The following COL20A1 variants were observed in gnomAD, a reference collection of about 807,000 sequenced individuals.
COL20A1 encodes collagen alpha-1(XX) chain.
Under a neutral mutation model 152.9 loss-of-function variants are expected in COL20A1, and 164 were observed. That is an observed-to-expected ratio of 1.07 (90% confidence interval 0.94 to 1.22). COL20A1 has a LOEUF of 1.22. Ranked by LOEUF, COL20A1 falls within the 50% of genes most tolerant of loss-of-function variation. The pLI, the probability that COL20A1 is intolerant of heterozygous loss-of-function variation, is 0.00. For synonymous variants in COL20A1, 864 were observed against 756.0 expected, an observed-to-expected ratio of 1.14 and a Z score of -2.34; for missense variants, 1,873 against 1,744.8, an observed-to-expected ratio of 1.07 and a Z score of -1.31.
chr20:63,301,898 A>T (rs952136143), intron 3 of COL20A1, among the ~76,000 whole-genome samples: 3 of 152,202 alleles, frequency 2.0e-5, no homozygotes, highest in Non-Finnish European at 4.4e-5. Flanking sequence ...ATTTAATGAA[A>T]TTAATGATAC....
At chr20:63,308,178 G>A (rs561286011) in intron 7 of COL20A1, 88 bp downstream of exon 7, 101 of 1,507,000 alleles carry the variant, frequency 6.7e-5, no homozygotes, top group Middle Eastern at 3.9e-4. Flanking sequence ...TGTGTAAATC[G>A]AGCTCCAAGT....
At chr20:63,295,536 G>A (rs987458200) in intron 2 of COL20A1, among the ~76,000 whole-genome samples, 1 of 152,024 alleles carries the variant, frequency 6.6e-6, no homozygotes, top group Non-Finnish European at 1.5e-5. Flanking sequence ...TCCCACCGCC[G>A]CCTCCCACTG....
intron 21 of COL20A1, among the ~76,000 whole-genome samples, chr20:63,318,120 C>G (rs1437436041): frequency 6.6e-6 from 1 of 152,212 alleles, no homozygotes; most frequent in Non-Finnish European, 1.5e-5. Context: ...CAGGCACTTC[C>G]CATGCCTGTT....
At chr20:63,295,036 T>A in intron 1 of COL20A1, 62 bp from the exon 2 acceptor site, 1 of 1,065,338 alleles carries the variant, frequency 9.4e-7, no homozygotes, top group East Asian at 2.6e-5. Context: ...GCTCTGGCGT[T>A]GTGGTCAGGG....
chr20:63,322,157 TAC>T (rs2068173937), intron 27 of COL20A1, 46 bp downstream of exon 27: 1 of 1,405,206 alleles, frequency 7.1e-7, no homozygotes, highest in African/African-American at 1.5e-5. Context: ...GGATCGTACC[TAC>T]CAGAAGAGAA....
chr20:63,307,772 G>GT, intron 6 of COL20A1, 124 bp downstream of exon 6: 1 of 1,232,738 alleles, frequency 8.1e-7, no homozygotes, highest in Non-Finnish European at 1.1e-6. Context: ...GGGGTGGGAC[G>GT]CCTGCTCCAC....
intron 27 of COL20A1, among the ~76,000 whole-genome samples, chr20:63,324,041 G>A (rs117049320): frequency 0.044 from 6,698 of 152,298 alleles, 226 homozygotes; most frequent in South Asian, 0.08. Flanking sequence ...ACAGTGTGGG[G>A]ATGGTCTCTT....
intron 25 of COL20A1, 73 bp from the exon 26 acceptor site, chr20:63,320,940 T>A (rs1416272844): frequency 8.4e-7 from 1 of 1,185,920 alleles, no homozygotes; most frequent in African/African-American, 1.6e-5. Context: ...TGTCATTGGC[T>A]AATCTCAGCT....
chr20:63,319,159 C>T lies in COL20A1; in HGVS notation c.2765C>T (p.Thr922Ile), dbSNP rs757272194. The change falls in exon 22 of 36, where the codon ACA (threonine) becomes ATA (isoleucine). Residue 922 changes from threonine to isoleucine, a missense_variant. Coordinates refer to ENST00000358894, the MANE Select transcript of COL20A1 (RefSeq NM_020882.4). This position sits in a 1 kb window ranked among gnomAD's most constrained non-coding sequence, Gnocchi z 4.4. Reference protein sequence around the residue: ...PREAFALWQMTAEDFQPLLGV... With the variant: ...PREAFALWQMIAEDFQPLLGV... ...GAGGCCTTCGCGCTGTGGCAGATGA[C>T]AGCCGAGGACTTCCAGCCCCTCCTT... The T allele has an allele frequency of 1.2e-6, 2 of 1,613,006 alleles. No individual in the cohort carries two copies. The highest frequency in any genetic ancestry group is 1.1e-5 in the South Asian group (1 of 91,080).
chr20:63,311,914 A>G lies in COL20A1; in HGVS notation c.1664-2A>G. 1 of 1,544,038 alleles carries G rather than the reference A, an allele frequency of 6.5e-7. No homozygotes were observed. Among genetic ancestry groups the G allele is most frequent in the Non-Finnish European group, 8.7e-7 (1 of 1,147,942 alleles). ...GCCTTGAGGCTCTGCTGTGCTTTGC[A>G]GCCACCCTGGCCCCCCCGAGACACC... On this transcript the variant is annotated splice_acceptor_variant, in intron 13 of 35. Coordinates refer to ENST00000358894, the MANE Select transcript of COL20A1 (RefSeq NM_020882.4). LOFTEE classifies it high-confidence loss of function. This position sits in a 1 kb window ranked among gnomAD's most constrained non-coding sequence, Gnocchi z 4.4.
In COL20A1 at chr20:63,321,077, C is replaced by T. The variant is rs1315886068; in HGVS notation, c.3218C>T (p.Pro1073Leu). The change falls in exon 26 of 36, where the codon CCC becomes CTC. Residue 1073 changes from proline (P) to leucine (L), a missense_variant. Pro to Leu is a moderately conservative substitution (Grantham distance 98). Coordinates refer to ENST00000358894, the MANE Select transcript of COL20A1 (RefSeq NM_020882.4). ...TCCTGTTCCTCAGAGACCCCTGGGC[C>T]CCCAGGACCTCAAGGACCCCCAGTG... is the stretch of plus-strand genomic sequence containing the variant. ...ACSCSSETPG[P>L]PGPQGPPGLP... 7 of 1,600,574 alleles carry T rather than the reference C, an allele frequency of 4.4e-6. No homozygotes were observed. The highest frequency in any genetic ancestry group is 1.7e-5 in the Admixed American group (1 of 58,594).
chr20:63,311,243 G>A lies in COL20A1; in HGVS notation c.1394-151G>A, dbSNP rs900262831. 3 of 873,014 alleles carry A rather than the reference G, an allele frequency of 3.4e-6. No homozygotes were observed. The highest frequency in any genetic ancestry group is 5.1e-6 in the Non-Finnish European group (3 of 587,390). The allele number at this position is 873,014 out of a possible 1,614,324, so 54.1% of individuals were successfully genotyped here. Reference sequence around the variant, plus strand: ...CCCAGAGCTGGAGCCACAAACCTTGGCCCAAGGTGAAGCCTGGGAAGTGCC... The same window carrying A: ...CCCAGAGCTGGAGCCACAAACCTTGACCCAAGGTGAAGCCTGGGAAGTGCC... On this transcript the variant is annotated intron_variant, in intron 11 of 35. Transcript: ENST00000358894. This position sits in a 1 kb window ranked among gnomAD's most constrained non-coding sequence, Gnocchi z 4.4.
In COL20A1 at chr20:63,325,681, A is replaced by C. The variant is rs925275991; in HGVS notation, c.3362A>C (p.His1121Pro). The C allele has an allele frequency of 1.2e-5, 19 of 1,611,042 alleles. No individual in the cohort carries two copies. The highest frequency in any genetic ancestry group is 8.3e-5 in the Admixed American group (5 of 59,890). ...GLPGLQGHPG[H>P]QGIPGRVGLQ... ...GTTCTCTCCCAGGGCCACCCCGGCC[A>C]CCAGGGCATCCCCGGGAGAGTTGGC... The change falls in exon 29 of 36, where the codon CAC becomes CCC. Residue 1121 changes from histidine to proline, a missense_variant. By Grantham distance (77) the His-to-Pro change is moderately conservative. Transcript: ENST00000358894.
In COL20A1 at chr20:63,295,161, C is replaced by T. The variant is rs775067603; in HGVS notation, c.54C>T (p.Gly18=). The T allele has an allele frequency of 4.0e-5, 62 of 1,555,182 alleles. No homozygotes were observed. Among genetic ancestry groups the T allele is most frequent in the Non-Finnish European group, 5.0e-5 (57 of 1,149,802 alleles). The change falls in exon 2 of 36, where the codon GGC becomes GGT. Residue 18 remains glycine (G), a synonymous_variant. Coordinates refer to ENST00000358894, the MANE Select transcript of COL20A1 (RefSeq NM_020882.4). ...HLGLCLWLWL[G]ATLGREQVQA... ...GCCTCTGCCTCTGGCTGTGGCTGGG[C>T]GCCACCCTGGGAAGAGAGCAAGTTC... is the stretch of plus-strand genomic sequence containing the variant.
Position 63,331,128 on chromosome 20 carries a change from C to T in COL20A1, c.*412C>T, listed in dbSNP as rs1270315949. ...AAAACAGGCTCAACAACATGCCCCG[C>T]CCCTTTCTCTGGGCCTCATCTAAGC... On this transcript the variant is annotated 3_prime_UTR_variant, in exon 36 of 36. Transcript: ENST00000358894. 6.6e-6 allele frequency: 1 copy of T among 152,346 alleles called. No individual in the cohort carries two copies. Among genetic ancestry groups the T allele is most frequent in the Admixed American group, 6.5e-5 (1 of 15,282 alleles). 9.4% of individuals were successfully genotyped at this position (152,346 alleles called of 1,614,324 possible). A position where few individuals can be genotyped will look rare whatever the true frequency, so the allele number is the denominator to read the frequency against.
In COL20A1 at chr20:63,319,742, C is replaced by T. The variant is rs1347619396; in HGVS notation, c.2916+146C>T. The stretch of plus-strand genomic sequence containing the variant: ...AACATTGACCTGGGGCTCTGTTCCT[C>T]TACCCCAGCTCTTCCATCTTAATTG... On this transcript the variant is annotated intron_variant, in intron 23 of 35. Transcript: ENST00000358894. The surrounding 1 kb of genome is among the most constrained non-coding windows in gnomAD (Gnocchi z 4.4). The T allele has an allele frequency of 1.6e-6, 1 of 629,490 alleles. No homozygotes were observed. Among genetic ancestry groups the T allele is most frequent in the Non-Finnish European group, 2.8e-6 (1 of 360,464 alleles). The allele number at this position is 629,490 out of a possible 1,614,324, so 39.0% of individuals were successfully genotyped here.
rs376053524 is a variant in COL20A1, at chr20:63,310,493, G to A, written c.1376G>A (p.Arg459Gln). The change falls in exon 11 of 36, where the codon CGG becomes CAG. Residue 459 changes from arginine (R) to glutamine (Q), a missense_variant. Coordinates refer to ENST00000358894, the MANE Select transcript of COL20A1 (RefSeq NM_020882.4). ...GAGGGCGGGGTTGGCGAAGGCCTGC[G>A]GGGCCTGGTGACCACAGGTAGGTGG... The part of the protein sequence containing the change: ...IYEGGVGEGL[R>Q]GLVTTAPLPP... The A allele has an allele frequency of 4.8e-5, 77 of 1,600,788 alleles. No homozygotes were observed. Among genetic ancestry groups the A allele is most frequent in the Middle Eastern group, 3.3e-4 (2 of 6,014 alleles).
intron 3 of COL20A1, among the ~76,000 whole-genome samples, chr20:63,301,594 T>C (rs2067864165): frequency 1.3e-5 from 2 of 152,232 alleles, no homozygotes; most frequent in African/African-American, 4.8e-5. Context: ...GGCTCTGTTA[T>C]TGGGTACATA....
chr20:63,305,603 C>CGGGTCCCACCCTCCTCTGGGCTG lies in COL20A1; in HGVS notation c.337+60_337+82dup, dbSNP rs369171579. Reference sequence around the variant, plus strand: ...CAGCTGGGTACCCACTCCTCCAGGCCGGGTCCCACCCTCCTCTGGGCTGGG... The same window carrying CGGGTCCCACCCTCCTCTGGGCTG: ...CAGCTGGGTACCCACTCCTCCAGGCCGGGTCCCACCCTCCTCTGGGCTGGGGTCCCACCCTCCTCTGGGCTGGG... On this transcript the variant is annotated intron_variant, in intron 4 of 35. Coordinates refer to ENST00000358894, the MANE Select transcript of COL20A1 (RefSeq NM_020882.4). The surrounding 1 kb of genome is among the most constrained non-coding windows in gnomAD (Gnocchi z 4.9). 1 of 1,545,716 alleles carries CGGGTCCCACCCTCCTCTGGGCTG rather than the reference C, an allele frequency of 6.5e-7. No homozygotes were observed. The highest frequency in any genetic ancestry group is 8.7e-7 in the Non-Finnish European group (1 of 1,147,646).
Sources: gnomAD v4.1 joint callset for allele counts (sites outside exome capture counted in the v4.1 genomes callset) on GRCh38, gnomAD v4.1.1 for gene constraint, Gnocchi (gnomAD v3.1) non-coding constraint, MANE v1.5 for transcripts, NCBI Gene and HGNC (gene_info 2026-07-23, HGNC 2026-07-21) for gene names.